CAST: variants seen among roughly 807,000 people sequenced by gnomAD.
CAST encodes the protein calpastatin.
A neutral mutation model predicts 119.6 loss-of-function variants in CAST; 76 were observed. That is an observed-to-expected ratio of 0.64 (90% CI 0.53 to 0.77). The LOEUF (loss-of-function observed/expected upper bound fraction) is 0.77. Among genes scored for constraint, CAST ranks in the 30% least tolerant of loss-of-function variants. The pLI, the probability that CAST is intolerant of heterozygous loss-of-function variation, is 0.00. For synonymous variants in CAST, 319 were observed against 331.6 expected (o/e 0.96, Z 0.41); for missense variants, 953 against 946.5 (o/e 1.01, Z -0.09).
At chr5:96,454,339 A>G in the CAST span, among the ~76,000 whole-genome samples, 13 of 152,232 alleles carry the variant, frequency 8.5e-5, no homozygotes, top group Non-Finnish European at 1.3e-4. Flanking sequence ...TCCTAAGCCT[A>G]TATTTGAACC....
At chr5:96,185,497 C>A in the CAST span, among the ~76,000 whole-genome samples, 4 of 152,156 alleles carry the variant, frequency 2.6e-5, no homozygotes, top group Non-Finnish European at 5.9e-5. Context: ...ACATTGAAGT[C>A]TTTAAGTCAT....
At chr5:96,139,599 T>C in the CAST span, among the ~76,000 whole-genome samples, 2 of 151,076 alleles carry the variant, frequency 1.3e-5, no homozygotes, top group Non-Finnish European at 3.0e-5. Context: ...ATGTTTATTT[T>C]TTATGAAGAA....
chr5:96,020,294 A>G, the CAST span, among the ~76,000 whole-genome samples: 1 of 152,238 alleles, frequency 6.6e-6, no homozygotes, highest in African/African-American at 2.4e-5. Context: ...TGGCTCTGAG[A>G]GCAAAGCAGA....
chr5:96,545,014 G>A (rs961826655), intron 1 of CAST, among the ~76,000 whole-genome samples: 2 of 152,082 alleles, frequency 1.3e-5, no homozygotes, highest in African/African-American at 4.8e-5. Flanking sequence ...AATGACAAAC[G>A]GGGCATTATC....
At chr5:96,274,155 G>C in the CAST span, among the ~76,000 whole-genome samples, 2 of 151,124 alleles carry the variant, frequency 1.3e-5, no homozygotes, top group Non-Finnish European at 2.9e-5. Context: ...AGGTTGGAGT[G>C]CAGTGGCGTG....
the CAST span, among the ~76,000 whole-genome samples, chr5:96,313,580 A>G: frequency 1.3e-5 from 2 of 152,178 alleles, no homozygotes; most frequent in Middle Eastern, 3.2e-3. Flanking sequence ...GTTGTTTCCA[A>G]CTTTAAGCAT....
At chr5:96,637,804 T>G (rs924073561) in intron 1 of CAST, among the ~76,000 whole-genome samples, 4 of 152,190 alleles carry the variant, frequency 2.6e-5, no homozygotes, top group Non-Finnish European at 2.9e-5. Context: ...TTAAGAAATA[T>G]ATGATAATTT....
At chr5:96,375,553 A>C in the CAST span, among the ~76,000 whole-genome samples, 1 of 152,220 alleles carries the variant, frequency 6.6e-6, no homozygotes, top group East Asian at 1.9e-4. Context: ...TCCTGTGATG[A>C]TTAATTTATG....
upstream of CAST, among the ~76,000 whole-genome samples, chr5:96,520,609 CTATG>C (rs1745501475): frequency 6.6e-6 from 1 of 151,802 alleles, no homozygotes; most frequent in Non-Finnish European, 1.5e-5. Context: ...CTGTGTGTGT[CTATG>C]TATATGTGTG....
chr5:96,754,380 T>C (rs1267284697), intron 21 of CAST, among the ~76,000 whole-genome samples: 1 of 152,188 alleles, frequency 6.6e-6, no homozygotes, highest in Non-Finnish European at 1.5e-5. Context: ...ACCGGAGGCC[T>C]CTGAGTCTCA....
chr5:96,500,902 G>A, the CAST span, among the ~76,000 whole-genome samples: 1,717 of 152,332 alleles, frequency 0.011, 29 homozygotes, highest in African/African-American at 0.04. Flanking sequence ...GTCAGATCAT[G>A]TTGACTACAA....
At chr5:96,464,478 A>G in the CAST span, among the ~76,000 whole-genome samples, 5 of 152,024 alleles carry the variant, frequency 3.3e-5, no homozygotes, top group Non-Finnish European at 5.9e-5. Flanking sequence ...TCATTCTTAT[A>G]TGGTATTGCC....
At chr5:96,446,207 C>T in the CAST span, among the ~76,000 whole-genome samples, 100 of 151,774 alleles carry the variant, frequency 6.6e-4, no homozygotes, top group African/African-American at 2.0e-3. Flanking sequence ...CACAGAACTC[C>T]GTAGATTACC....
chr5:96,511,807 C>A, the CAST span, among the ~76,000 whole-genome samples: 1 of 152,242 alleles, frequency 6.6e-6, no homozygotes, highest in African/African-American at 2.4e-5. Context: ...GTTCCAAAAT[C>A]ACCCTAGATT....
chr5:96,537,199 C>T (rs1426133877), intron 1 of CAST, among the ~76,000 whole-genome samples: 1 of 152,236 alleles, frequency 6.6e-6, no homozygotes, highest in Non-Finnish European at 1.5e-5. Flanking sequence ...GTCCCATATC[C>T]TCTTCACCCA....
intron 1 of CAST, among the ~76,000 whole-genome samples, chr5:96,648,702 T>A (rs1039547823): frequency 7.2e-6 from 1 of 138,080 alleles, no homozygotes; most frequent in East Asian, 2.1e-4. Context: ...GGGAGAAGTT[T>A]TATTTATATA....
the CAST span, among the ~76,000 whole-genome samples, chr5:96,286,649 G>T: frequency 1.3e-5 from 2 of 152,076 alleles, no homozygotes; most frequent in African/African-American, 4.8e-5. Context: ...TGTCTGAAGT[G>T]GGGAAGACTG....
chr5:96,353,937 A>T, the CAST span, among the ~76,000 whole-genome samples: 1 of 152,120 alleles, frequency 6.6e-6, no homozygotes, highest in African/African-American at 2.4e-5. Flanking sequence ...TCCCTGGGGA[A>T]CCTTGACTAA....
chr5:96,253,094 G>T, the CAST span, among the ~76,000 whole-genome samples: 1 of 152,082 alleles, frequency 6.6e-6, no homozygotes, highest in Non-Finnish European at 1.5e-5. Context: ...CAAAAGTAGA[G>T]ACATTTTAGT....
Sources: gnomAD v4.1 joint callset for allele counts (sites outside exome capture counted in the v4.1 genomes callset) on GRCh38, gnomAD v4.1.1 for gene constraint, MANE v1.5 for transcripts, NCBI Gene and HGNC (gene_info 2026-07-23, HGNC 2026-07-21) for gene names.